The following SPG7 variants were observed in gnomAD, a reference collection of about 807,000 sequenced individuals.
The protein encoded by SPG7 is SPG7 matrix AAA peptidase subunit, paraplegin.
In SPG7, 103 loss-of-function variants were observed where a neutral mutation model predicts 81.9. That is an observed-to-expected ratio of 1.26 (90% confidence interval 1.07 to 1.48). The LOEUF (loss-of-function observed/expected upper bound fraction) is 1.48. SPG7 is among the 40% of genes most tolerant of loss of function. SPG7 has a pLI of 0.00. For synonymous variants in SPG7, 534 were observed against 444.2 expected (o/e 1.20, Z -2.54); for missense variants, 1,241 against 1,087.3 (o/e 1.14, Z -1.99).
intron 16 of SPG7, chr16:89,556,100 T>C (rs1295459929): frequency 5.0e-6 from 2 of 398,710 alleles, no homozygotes; most frequent in Non-Finnish European, 8.8e-6. Flanking sequence ...GGCTTCTCAC[T>C]GGCTGAGGAG....
chr16:89,533,644 G>A (rs1213364562), intron 9 of SPG7: 1 of 152,102 alleles, frequency 6.6e-6, no homozygotes, highest in Non-Finnish European at 1.5e-5. Flanking sequence ...TTAGAGGGCG[G>A]AGCAGAGCAT....
chr16:89,545,603 CTG>C lies in SPG7; in HGVS notation c.1449+833_1449+834del, dbSNP rs529511921. The stretch of plus-strand genomic sequence containing the variant: ...GGGGACATGGCTTCTCCAGGGGACA[CTG>C]TTTCTCCAGGGGACACTGTTTCTCC... On this transcript the variant is annotated intron_variant, in intron 10 of 16. Transcript: ENST00000645818. The C allele has an allele frequency of 8.6e-4, 199 of 231,456 alleles. 1 individual carries two copies. Among genetic ancestry groups the C allele is most frequent in the African/African-American group, 4.5e-3 (186 of 41,218 alleles). 14.3% of individuals were successfully genotyped at this position (231,456 alleles called of 1,614,324 possible). A position where few individuals can be genotyped will look rare whatever the true frequency, so the allele number is the denominator to read the frequency against.
intron 3 of SPG7, chr16:89,523,655 C>T (rs757164804): frequency 2.1e-5 from 10 of 466,960 alleles, no homozygotes; most frequent in Admixed American, 4.7e-5. Context: ...GATCACGGCT[C>T]ACTGCAGCTT....
chr16:89,511,002 T>A (rs2058014246), intron 2 of SPG7, among the ~76,000 whole-genome samples: 1 of 152,112 alleles, frequency 6.6e-6, no homozygotes, highest in South Asian at 2.1e-4. Flanking sequence ...CTAGCTAATT[T>A]TTGGGGGGTA....
intron 9 of SPG7, 102 bp from the exon 10 acceptor site, chr16:89,544,546 G>C (rs758491062): frequency 1.3e-5 from 18 of 1,381,438 alleles, no homozygotes; most frequent in African/African-American, 2.8e-5. Flanking sequence ...TGGGCCTTAG[G>C]GGGGTCTCTC....
chr16:89,529,375 G>A (rs376300802), intron 5 of SPG7, 102 bp from the exon 6 acceptor site: 85 of 773,472 alleles, frequency 1.1e-4, no homozygotes, highest in East Asian at 1.1e-3. Context: ...GGGATTCCTC[G>A]TCTCATCTTG....
Position 89,531,098 on chromosome 16 carries a change from C to A in SPG7, c.987+290C>A, listed in dbSNP as rs74037218. On this transcript the variant is annotated intron_variant, in intron 7 of 16. Transcript: ENST00000645818. ...GCAAAGCTCTGTGCTTTTTCCAGAA[C>A]CACATAAACACCTTAGCCAGTTGGT... 9.2e-3 allele frequency: 4,804 copies of A among 521,582 alleles called. 190 individuals carry two copies. The highest frequency in any genetic ancestry group is 0.083 in the African/African-American group (4,359 of 52,214). 32.3% of individuals were successfully genotyped at this position (521,582 alleles called of 1,614,324 possible).
At chr16:89,546,366 T>C in intron 10 of SPG7, 1 of 387,386 alleles carries the variant, frequency 2.6e-6, no homozygotes, top group South Asian at 2.1e-5. Flanking sequence ...CATCCAACAG[T>C]GTTCTGTTCG....
chr16:89,557,043 G>A lies in SPG7; in HGVS notation c.2338G>A (p.Glu780Lys). The change falls in exon 17 of 17, where the codon GAG becomes AAG. Residue 780 changes from glutamate (E) to lysine (K), a missense_variant. Coordinates refer to ENST00000645818, the MANE Select transcript of SPG7 (RefSeq NM_003119.4). ...GGACTTGGGCGAGGAGGAGACCGAA[G>A]AGACCCAGCAGCCTCCACTTGGAGG... ...KQDLGEEETE[E>K]TQQPPLGGEE... 2 of 1,612,752 alleles carry A rather than the reference G, an allele frequency of 1.2e-6. No individual in the cohort carries two copies. Among genetic ancestry groups the A allele is most frequent in the East Asian group, 2.2e-5 (1 of 44,884 alleles).
chr16:89,534,854 C>G (rs530476831), intron 9 of SPG7, among the ~76,000 whole-genome samples: 23 of 152,338 alleles, frequency 1.5e-4, no homozygotes, highest in Admixed American at 1.4e-3. Flanking sequence ...CTTCCGCCCC[C>G]CCGATGTGGA....
In SPG7 at chr16:89,509,946, G is replaced by A. The variant is rs140115355; in HGVS notation, c.184-544G>A. 3.3e-3 allele frequency among the ~76,000 whole-genome samples: 500 copies of A among 151,790 alleles called. 1 individual carries two copies. The highest frequency in any genetic ancestry group is 0.01 in the Middle Eastern group (3 of 294). On this transcript the variant is annotated intron_variant, in intron 1 of 16. Coordinates refer to ENST00000645818, the MANE Select transcript of SPG7 (RefSeq NM_003119.4). ...TGGGATTACAGACATGAGCCACCGT[G>A]CCTGGCCACTATCGTGATTTTTTGT...
chr16:89,508,594 T>C lies in SPG7; in HGVS notation c.177T>C (p.Ala59=). 2 of 1,471,326 alleles carry C rather than the reference T, an allele frequency of 1.4e-6. No individual in the cohort carries two copies. The highest frequency in any genetic ancestry group is 2.7e-5 in the East Asian group (1 of 36,532). 91.1% of individuals were successfully genotyped at this position (1,471,326 alleles called of 1,614,324 possible). Residue 59 remains alanine, a synonymous_variant, in exon 1 of 17, where the codon GCT becomes GCC. Coordinates refer to ENST00000645818, the MANE Select transcript of SPG7 (RefSeq NM_003119.4). ...PGDLAEAGGR[A]LQSLQLRLLT... ...ACCTCGCCGAGGCTGGAGGCCGAGC[T>C]CTGCAGGTAAATCCCCGCGGAGTCC... is the stretch of plus-strand genomic sequence containing the variant.
At chr16:89,529,631 G>T (rs771532993) in intron 6 of SPG7, 52 bp downstream of exon 6, 1 of 1,348,650 alleles carries the variant, frequency 7.4e-7, no homozygotes, top group Non-Finnish European at 1.1e-6. Context: ...TGTGTTTGCT[G>T]AATACTTTTC....
At chr16:89,518,756 C>G (rs1220758070) in intron 3 of SPG7, 1 of 151,978 alleles carries the variant, frequency 6.6e-6, no homozygotes, top group East Asian at 1.9e-4. Context: ...AACACAGATT[C>G]GTGGTTGCTA....
At chr16:89,524,976 CAG>C (rs1224696978) in intron 4 of SPG7, among the ~76,000 whole-genome samples, 1 of 119,048 alleles carries the variant, frequency 8.4e-6, no homozygotes, top group Non-Finnish European at 1.7e-5. Flanking sequence ...TTTTTGGAGA[CAG>C]AGTCTCCCTC....
At chr16:89,522,214 A>G (rs989268108) in intron 3 of SPG7, 2 of 152,244 alleles carry the variant, frequency 1.3e-5, no homozygotes, top group South Asian at 2.1e-4. Context: ...CATGTTTTCA[A>G]AGTAATTATT....
At chr16:89,537,832 A>C (rs1192856539) in intron 9 of SPG7, 1 of 938,234 alleles carries the variant, frequency 1.1e-6, no homozygotes, top group African/African-American at 1.8e-5. Context: ...GTGACCCGGG[A>C]CACCCCTACC....
Position 89,526,642 on chromosome 16 carries a change from A to C in SPG7, c.758+174A>C, listed in dbSNP as rs1010620770. On this transcript the variant is annotated intron_variant, in intron 5 of 16. Transcript: ENST00000645818. ...TGATACAATGCCAGGAGATTTGGAAATATAGTTATCCCTGGGTATCCATGG... is the reference window on the plus strand; with the variant it reads ...TGATACAATGCCAGGAGATTTGGAACTATAGTTATCCCTGGGTATCCATGG... The C allele has an allele frequency of 4.3e-6, 3 of 698,906 alleles. 1 individual carries two copies. In the Admixed American group the frequency reaches 6.4e-5, roughly 15 times the overall value. 43.3% of individuals were successfully genotyped at this position (698,906 alleles called of 1,614,324 possible). A position where few individuals can be genotyped will look rare whatever the true frequency, so the allele number is the denominator to read the frequency against.
At chr16:89,544,955 G>A in intron 10 of SPG7, 183 bp downstream of exon 10, 1 of 698,276 alleles carries the variant, frequency 1.4e-6, no homozygotes, top group Non-Finnish European at 2.5e-6. Flanking sequence ...CCCACCGGCT[G>A]CACTCACTGC....
Sources: gnomAD v4.1 joint callset for allele counts (sites outside exome capture counted in the v4.1 genomes callset) on GRCh38, gnomAD v4.1.1 for gene constraint, MANE v1.5 for transcripts, NCBI Gene and HGNC (gene_info 2026-07-23, HGNC 2026-07-21) for gene names.